The following PRMT7 variants were observed in gnomAD, a reference collection of about 807,000 sequenced individuals.
PRMT7 encodes the protein protein arginine N-methyltransferase 7.
PRMT7 carries 75 observed loss-of-function variants against 85.4 expected under a neutral mutation model. That is an observed-to-expected ratio of 0.88 (90% confidence interval 0.73 to 1.06). The LOEUF is 1.06. PRMT7 is among the 50% of genes least tolerant of loss of function. PRMT7 has a pLI of 0.00. For missense variants in PRMT7, 868 were observed against 915.2 expected (o/e 0.95, Z 0.67); for synonymous variants, 397 against 359.5 (o/e 1.10, Z -1.18).
chr16:68,313,292 C>G (rs1369496091), intron 2 of PRMT7, among the ~76,000 whole-genome samples: 1 of 152,108 alleles, frequency 6.6e-6, no homozygotes, highest in Non-Finnish European at 1.5e-5. Context: ...GCACGTCTGA[C>G]ACAGGCACAT....
chr16:68,324,898 T>A, intron 5 of PRMT7, 66 bp downstream of exon 5: 1 of 1,589,000 alleles, frequency 6.3e-7, no homozygotes, highest in Non-Finnish European at 8.6e-7. Flanking sequence ...CTCTTGCACT[T>A]TCCCCGTCTG....
intron 3 of PRMT7, among the ~76,000 whole-genome samples, chr16:68,317,686 G>A (rs911674948): frequency 2.0e-5 from 3 of 151,868 alleles, no homozygotes; most frequent in Non-Finnish European, 1.5e-5. Flanking sequence ...AATTAGCCAG[G>A]TGTGGTGGCG....
intron 9 of PRMT7, among the ~76,000 whole-genome samples, chr16:68,343,308 C>A (rs1267846516): frequency 6.6e-6 from 1 of 152,146 alleles, no homozygotes; most frequent in Non-Finnish European, 1.5e-5. Flanking sequence ...TAACCACAAC[C>A]ATAGCCAACC....
chr16:68,314,879 G>A (rs2044482347), intron 2 of PRMT7, among the ~76,000 whole-genome samples: 1 of 152,122 alleles, frequency 6.6e-6, no homozygotes, highest in Non-Finnish European at 1.5e-5. Context: ...TTACTTGTTT[G>A]AAGCAAAATT....
At chr16:68,345,993 A>C in intron 10 of PRMT7, 152 bp from the exon 11 acceptor site, 1 of 1,351,104 alleles carries the variant, frequency 7.4e-7, no homozygotes, top group Non-Finnish European at 1.0e-6. Context: ...GGGTTGCTGG[A>C]ATCTGTTTAG....
In PRMT7 at chr16:68,339,806, A is replaced by G; in HGVS notation, c.765A>G (p.Gln255=). The change falls in exon 9 of 19, where the codon CAA becomes CAG. Residue 255 remains glutamine (Q), a synonymous_variant. Transcript: ENST00000441236. ...TCCTCAGCATAGACTTCAGCAAGCAAGTCAGTAGCTCAGCAGCCTGCCATA... is the reference window on the plus strand; with the variant it reads ...TCCTCAGCATAGACTTCAGCAAGCAGGTCAGTAGCTCAGCAGCCTGCCATA... ...LPMFSIDFSK[Q]VSSSAACHSR... is the part of the protein sequence containing the mutation. 1 of 1,613,944 alleles carries G rather than the reference A, an allele frequency of 6.2e-7. No homozygotes were observed. Among genetic ancestry groups the G allele is most frequent in the Non-Finnish European group, 8.5e-7 (1 of 1,179,752 alleles).
chr16:68,330,266 A>C (rs1041579597), intron 6 of PRMT7, among the ~76,000 whole-genome samples: 1 of 152,142 alleles, frequency 6.6e-6, no homozygotes, highest in Non-Finnish European at 1.5e-5. Flanking sequence ...ACACTTAGAG[A>C]ACATAGTTGA....
chr16:68,338,981 T>G (rs1460379487), intron 7 of PRMT7, among the ~76,000 whole-genome samples: 3 of 152,194 alleles, frequency 2.0e-5, no homozygotes, highest in African/African-American at 7.2e-5. Flanking sequence ...AGGCTCTTGT[T>G]TTGGTGCTGG....
chr16:68,311,923 C>T (rs2043802357), intron 1 of PRMT7, 119 bp from the exon 2 acceptor site: 1 of 152,158 alleles, frequency 6.6e-6, no homozygotes, highest in Admixed American at 6.6e-5. Flanking sequence ...TCATTAGAGT[C>T]TAAGCTCTTG....
intron 6 of PRMT7, among the ~76,000 whole-genome samples, chr16:68,335,475 A>G (rs1441098128): frequency 1.3e-5 from 2 of 151,696 alleles, no homozygotes; most frequent in Non-Finnish European, 2.9e-5. Flanking sequence ...ATCAGAGAGG[A>G]TGGGCAGGGC....
intron 9 of PRMT7, among the ~76,000 whole-genome samples, chr16:68,342,484 C>T (rs1206161631): frequency 6.6e-6 from 1 of 152,122 alleles, no homozygotes. Context: ...CTGTCTCTAC[C>T]CAGGAGCGCC....
chr16:68,324,895 A>G, intron 5 of PRMT7, 63 bp downstream of exon 5: 3 of 1,592,982 alleles, frequency 1.9e-6, no homozygotes, highest in East Asian at 2.2e-5. Flanking sequence ...ATGCTCTTGC[A>G]CTTTCCCCGT....
chr16:68,316,134 G>T, intron 3 of PRMT7, 60 bp downstream of exon 3: 2 of 1,427,176 alleles, frequency 1.4e-6, no homozygotes, highest in Non-Finnish European at 2.0e-6. Flanking sequence ...CAAAGCAGAT[G>T]CCTTGGGCTC....
chr16:68,341,470 C>T (rs1423775964), intron 9 of PRMT7, among the ~76,000 whole-genome samples: 7 of 152,150 alleles, frequency 4.6e-5, no homozygotes, highest in African/African-American at 1.4e-4. Context: ...AGTGCAATGG[C>T]GCGATCTCAG....
At chr16:68,355,483 C>T (rs1368903299) in intron 16 of PRMT7, 5 of 408,952 alleles carry the variant, frequency 1.2e-5, no homozygotes, top group African/African-American at 1.0e-4. Flanking sequence ...TTGAGACAGG[C>T]AGCACCACCC....
Position 68,339,470 on chromosome 16 carries a change from G to C in PRMT7, c.653G>C (p.Ser218Thr). The C allele has an allele frequency of 1.2e-6, 2 of 1,614,228 alleles. No individual in the cohort carries two copies. The highest frequency in any genetic ancestry group is 1.7e-6 in the Non-Finnish European group (2 of 1,180,046). Reference protein sequence around the residue: ...QVIVPPVDVESCPGAPSVCDI... With the variant: ...QVIVPPVDVETCPGAPSVCDI... ...ATCGTCCCTCCCGTTGACGTGGAGA[G>C]CTGCCCTGGCGCACCCTCTGTCTGT... Residue 218 changes from serine (S) to threonine (T), a missense_variant, in exon 8 of 19, where the codon AGC becomes ACC. Ser to Thr is a moderately conservative substitution (Grantham distance 58). Coordinates refer to ENST00000441236, the MANE Select transcript of PRMT7 (RefSeq NM_019023.5).
intron 6 of PRMT7, among the ~76,000 whole-genome samples, chr16:68,336,052 C>T (rs1462299850): frequency 6.6e-6 from 1 of 152,176 alleles, no homozygotes; most frequent in Non-Finnish European, 1.5e-5. Flanking sequence ...GCTGGGATTA[C>T]AGGCGGGAGC....
In PRMT7 at chr16:68,316,031, C is replaced by G. The variant is rs747023617; in HGVS notation, c.52C>G (p.Leu18Val). 1.2e-6 allele frequency: 2 copies of G among 1,613,544 alleles called. No individual in the cohort carries two copies. Among genetic ancestry groups the G allele is most frequent in the Admixed American group, 3.3e-5 (2 of 59,972 alleles). ...TCCGACCACGGGGTCTGTGGAGTGG[C>G]TGGAGGAGGATGAACACTATGATTA... ...ANPTTGSVEW[L>V]EEDEHYDYHQ... Residue 18 changes from leucine (L) to valine (V), a missense_variant, in exon 3 of 19, where the codon CTG becomes GTG. By Grantham distance (32) the Leu-to-Val change is conservative. Coordinates refer to ENST00000441236, the MANE Select transcript of PRMT7 (RefSeq NM_019023.5).
At chr16:68,345,639 C>T (rs2086239834) in intron 9 of PRMT7, 36 bp from the exon 10 acceptor site, 1 of 1,611,448 alleles carries the variant, frequency 6.2e-7, no homozygotes, top group Non-Finnish European at 8.5e-7. Context: ...GCTCATACTG[C>T]AGCTCGTTGA....
Sources: allele counts gnomAD v4.1 joint callset (sites outside exome capture counted in the v4.1 genomes callset), GRCh38; gene constraint gnomAD v4.1.1; transcripts MANE v1.5; gene names NCBI Gene and HGNC (gene_info 2026-07-23, HGNC 2026-07-21).